The following TMEFF2 variants were observed in gnomAD, a reference collection of about 807,000 sequenced individuals.
TMEFF2 encodes transmembrane protein with EGF like and two follistatin like domains 2.
Under a neutral mutation model 53.8 loss-of-function variants are expected in TMEFF2, and 28 were observed. The observed-to-expected ratio is 0.52, with a 90% CI of 0.39 to 0.71. TMEFF2 has a LOEUF of 0.71. Among genes scored for constraint, TMEFF2 ranks in the 30% least tolerant of loss-of-function variants. The probability of loss-of-function intolerance (pLI) is 0.00; values close to 1 mark genes in which losing one functional copy is unlikely to be tolerated. For synonymous variants in TMEFF2, 162 were observed against 166.3 expected (o/e 0.97, Z 0.20); for missense variants, 353 against 455.2 (o/e 0.78, Z 2.04).
At chr2:191,997,368 C>T (rs1686249248) in intron 7 of TMEFF2, among the ~76,000 whole-genome samples, 2 of 151,588 alleles carry the variant, frequency 1.3e-5, no homozygotes, top group African/African-American at 2.4e-5. Flanking sequence ...ATTTCATACA[C>T]ATTTATCCTG....
chr2:191,956,784 C>T (rs112302429), intron 7 of TMEFF2, among the ~76,000 whole-genome samples: 5 of 152,148 alleles, frequency 3.3e-5, no homozygotes, highest in Admixed American at 6.6e-5. Flanking sequence ...TTGATACTTT[C>T]GCAATACGAA....
At chr2:191,970,421 TG>T (rs1692602816) in intron 7 of TMEFF2, among the ~76,000 whole-genome samples, 2 of 151,722 alleles carry the variant, frequency 1.3e-5, no homozygotes, top group Non-Finnish European at 2.9e-5. Context: ...AATCCATGAC[TG>T]GTGTCCTCAA....
chr2:191,958,142 GC>G (rs1280739378), intron 7 of TMEFF2, among the ~76,000 whole-genome samples: 3 of 152,160 alleles, frequency 2.0e-5, no homozygotes, highest in Non-Finnish European at 4.4e-5. Flanking sequence ...AGGGCCGGGG[GC>G]TACACACTAT....
intron 4 of TMEFF2, among the ~76,000 whole-genome samples, chr2:192,119,092 A>G (rs964121224): frequency 6.6e-6 from 1 of 152,170 alleles, no homozygotes; most frequent in East Asian, 1.9e-4. Context: ...TAAGAAGCCA[A>G]TGAATAAATA....
chr2:192,177,034 C>T (rs1453185821), intron 4 of TMEFF2: 1 of 150,778 alleles, frequency 6.6e-6, no homozygotes, highest in Non-Finnish European at 1.5e-5. Flanking sequence ...AACTATTAAC[C>T]ATCCAAAGTG....
chr2:192,024,713 T>G (rs1686930436), intron 5 of TMEFF2, among the ~76,000 whole-genome samples: 1 of 152,238 alleles, frequency 6.6e-6, no homozygotes, highest in South Asian at 2.1e-4. Flanking sequence ...GCACTTTATT[T>G]GGAGTCTAGC....
intron 4 of TMEFF2, among the ~76,000 whole-genome samples, chr2:192,132,198 G>A (rs1337645848): frequency 2.6e-5 from 4 of 152,076 alleles, no homozygotes; most frequent in East Asian, 1.9e-4. Context: ...CACCTGGTCT[G>A]GCTTACAGTT....
At chr2:191,977,030 G>A (rs929885878) in intron 7 of TMEFF2, among the ~76,000 whole-genome samples, 3 of 152,190 alleles carry the variant, frequency 2.0e-5, no homozygotes, top group African/African-American at 7.2e-5. Context: ...TGAAGTCTTT[G>A]TTTAGCCAAG....
chr2:192,125,703 A>C (rs1262296660), intron 4 of TMEFF2, among the ~76,000 whole-genome samples: 1 of 152,232 alleles, frequency 6.6e-6, no homozygotes, highest in Non-Finnish European at 1.5e-5. Flanking sequence ...AAAAAGGATG[A>C]GATCATGTCT....
intron 4 of TMEFF2, chr2:192,177,523 G>A (rs938078782): frequency 3.3e-5 from 5 of 150,962 alleles, no homozygotes; most frequent in African/African-American, 1.2e-4. Flanking sequence ...ATGCAATTAG[G>A]AGCAAATACT....
At chr2:192,044,644 A>G (rs1055544362) in intron 5 of TMEFF2, 1 of 152,314 alleles carries the variant, frequency 6.6e-6, no homozygotes, top group African/African-American at 2.4e-5. Flanking sequence ...GGTAGATCCA[A>G]TGGTGCTTGA....
rs1002513351 is a variant in TMEFF2 at position 192,176,517 on chromosome 2, G to A, written c.439+3151C>T. The stretch of plus-strand genomic sequence containing the variant: ...ATTACTCTACAAATTTCCTTTAGGA[G>A]AGAATGCATCTTTGTGGGTCATGTT... On this transcript the variant is annotated intron_variant, in intron 4 of 9. Coordinates refer to ENST00000272771, the MANE Select transcript of TMEFF2 (RefSeq NM_016192.4). 4.0e-5 allele frequency among the ~76,000 whole-genome samples: 6 copies of A among 151,370 alleles called. No homozygotes were observed. The East Asian group carries it at 7.8e-4, about 20-fold the overall frequency.
At chr2:192,099,643 G>T (rs1255033912) in intron 4 of TMEFF2, among the ~76,000 whole-genome samples, 3 of 152,240 alleles carry the variant, frequency 2.0e-5, no homozygotes, top group Non-Finnish European at 4.4e-5. Context: ...ACTTACAGAA[G>T]TTGGCTTCAG....
chr2:191,964,319 C>CTTTCTTTCTTT (rs1559063235), intron 7 of TMEFF2, among the ~76,000 whole-genome samples: 1 of 133,734 alleles, frequency 7.5e-6, no homozygotes, highest in African/African-American at 3.0e-5. Context: ...TTCTTTCCTT[C>CTTTCTTTCTTT]CTTCCTTTCT....
rs546187964 is a variant in TMEFF2 at position 192,038,897 on chromosome 2, T to C, written c.536+18782A>G. Among the ~76,000 whole-genome samples the C allele has an allele frequency of 3.3e-5, 5 of 152,302 alleles. No individual in the cohort carries two copies. In the South Asian group the frequency reaches 1.0e-3, roughly 32 times the overall value. ...AAGCTACAGTTTTTAATATCCACAC[T>C]GTTCTATATCAACCCTTCTAGCCAA... On this transcript the variant is annotated intron_variant, in intron 5 of 9. Coordinates refer to ENST00000272771, the MANE Select transcript of TMEFF2 (RefSeq NM_016192.4).
chr2:192,137,077 T>G (rs544784713), intron 4 of TMEFF2, among the ~76,000 whole-genome samples: 1 of 152,358 alleles, frequency 6.6e-6, no homozygotes, highest in Non-Finnish European at 1.5e-5. Context: ...TATATCCATG[T>G]CCCTTTTTAA....
chr2:192,003,666 CA>C (rs1686420719), intron 5 of TMEFF2, among the ~76,000 whole-genome samples: 1 of 152,092 alleles, frequency 6.6e-6, no homozygotes, highest in South Asian at 2.1e-4. Context: ...ATCAGTTGCT[CA>C]AAATATTTTA....
intron 5 of TMEFF2, among the ~76,000 whole-genome samples, chr2:192,010,932 C>T (rs1686611861): frequency 6.6e-6 from 1 of 152,132 alleles, no homozygotes. Flanking sequence ...TGAGGATTTC[C>T]CCCTAACAGT....
chr2:192,117,493 CTTAAG>C (rs1689441326), intron 4 of TMEFF2, among the ~76,000 whole-genome samples: 3 of 152,092 alleles, frequency 2.0e-5, no homozygotes, highest in Middle Eastern at 6.8e-3. Flanking sequence ...GTGAGAAGTA[CTTAAG>C]TTAAAAAGAA....
Sources: gnomAD v4.1 joint callset for allele counts (sites outside exome capture counted in the v4.1 genomes callset) on GRCh38, gnomAD v4.1.1 for gene constraint, MANE v1.5 for transcripts, NCBI Gene and HGNC (gene_info 2026-07-23, HGNC 2026-07-21) for gene names.